The following DCAF5 variants were observed in gnomAD, a reference collection of about 807,000 sequenced individuals.
The protein encoded by DCAF5 is DDB1 and CUL4 associated factor 5, also known as DDB1- and CUL4-associated factor 5.
Under a neutral mutation model 80.7 loss-of-function variants are expected in DCAF5, and 9 were observed. The ratio of observed to expected loss-of-function variants is 0.11; its 90% CI spans 0.07 to 0.19. The LOEUF is 0.19. DCAF5 is among the 10% of genes least tolerant of loss of function. The pLI is 1.00. For missense variants in DCAF5, 842 were observed against 1,205.7 expected, an observed-to-expected ratio of 0.70 and a Z score of 4.47; for synonymous variants, 433 against 461.9, an observed-to-expected ratio of 0.94 and a Z score of 0.80.
chr14:69,094,803 T>G (rs2039646026), intron 5 of DCAF5, among the ~76,000 whole-genome samples: 2 of 152,116 alleles, frequency 1.3e-5, no homozygotes, highest in Non-Finnish European at 2.9e-5. Flanking sequence ...ATGTAGATTC[T>G]CAGGATTCCC....
intron 5 of DCAF5, among the ~76,000 whole-genome samples, chr14:69,101,796 C>T (rs1446754393): frequency 2.0e-5 from 3 of 152,064 alleles, no homozygotes; most frequent in Non-Finnish European, 2.9e-5. Flanking sequence ...ATATGGAACA[C>T]CAAATGCCAT....
chr14:69,063,433 A>G (rs777284056), intron 7 of DCAF5, among the ~76,000 whole-genome samples: 7 of 152,272 alleles, frequency 4.6e-5, no homozygotes, highest in African/African-American at 9.6e-5. Flanking sequence ...CAGGACACAC[A>G]GAGAAACATG....
At chr14:69,135,327 A>C (rs1223931650) in intron 1 of DCAF5, among the ~76,000 whole-genome samples, 1 of 152,206 alleles carries the variant, frequency 6.6e-6, no homozygotes, top group East Asian at 1.9e-4. Flanking sequence ...TAAAACACAA[A>C]TGCCACGTTC....
At chr14:69,109,001 C>A (rs1443450514) in intron 5 of DCAF5, among the ~76,000 whole-genome samples, 2 of 152,142 alleles carry the variant, frequency 1.3e-5, no homozygotes, top group Non-Finnish European at 2.9e-5. Context: ...TAAATACCCA[C>A]TTGAAGACAA....
chr14:69,138,710 TA>T (rs2041265770), intron 1 of DCAF5, among the ~76,000 whole-genome samples: 2 of 152,220 alleles, frequency 1.3e-5, no homozygotes, highest in African/African-American at 4.8e-5. Context: ...GATGTAAAAT[TA>T]AAGACTTCTA....
intron 6 of DCAF5, among the ~76,000 whole-genome samples, chr14:69,087,632 A>AG (rs2039384826): frequency 6.6e-6 from 1 of 152,206 alleles, no homozygotes; most frequent in South Asian, 2.1e-4. Flanking sequence ...TGTAGCCAAA[A>AG]GGGGGGAAGA....
chr14:69,111,998 CA>C (rs762548714), intron 5 of DCAF5, among the ~76,000 whole-genome samples: 9 of 152,166 alleles, frequency 5.9e-5, no homozygotes, highest in Non-Finnish European at 1.3e-4. Context: ...TAACTAACAT[CA>C]TAAAGGTTTT....
At chr14:69,119,665 C>T (rs923855002) in intron 2 of DCAF5, among the ~76,000 whole-genome samples, 60 of 148,404 alleles carry the variant, frequency 4.0e-4, no homozygotes, top group Admixed American at 3.9e-3. Flanking sequence ...CAGTGAGCTA[C>T]GATCGCACTC....
chr14:69,118,963 AC>A lies in DCAF5; in HGVS notation c.395+230del, dbSNP rs889600494. 11 of 500,096 alleles carry A rather than the reference AC, an allele frequency of 2.2e-5. No homozygotes were observed. The highest frequency in any genetic ancestry group is 3.5e-5 in the Non-Finnish European group (10 of 286,660). The allele number at this position is 500,096 out of a possible 1,614,324, so 31.0% of individuals were successfully genotyped here. A position where few individuals can be genotyped will look rare whatever the true frequency, so the allele number is the denominator to read the frequency against. On this transcript the variant is annotated intron_variant, in intron 3 of 8. Coordinates refer to ENST00000341516, the MANE Select transcript of DCAF5 (RefSeq NM_003861.3). This position sits in a 1 kb window ranked among gnomAD's most constrained non-coding sequence, Gnocchi z 4.0. ...TTCTAAACTCTTGTTTTAAATTTTC[AC>A]CTAAAAAGTACACTCTCATACCAAC...
chr14:69,119,052 G>T, intron 3 of DCAF5, 142 bp downstream of exon 3: 7 of 720,702 alleles, frequency 9.7e-6, no homozygotes, highest in Admixed American at 3.5e-5. Flanking sequence ...TCAAACTATT[G>T]TAGGAATTTT....
At chr14:69,111,904 C>T (rs2040381029) in intron 5 of DCAF5, among the ~76,000 whole-genome samples, 2 of 152,190 alleles carry the variant, frequency 1.3e-5, no homozygotes, top group Non-Finnish European at 2.9e-5. Context: ...GCAGAACTTT[C>T]CAACTCCAGT....
intron 5 of DCAF5, among the ~76,000 whole-genome samples, chr14:69,105,947 C>T (rs868442028): frequency 2.0e-4 from 9 of 44,586 alleles, no homozygotes; most frequent in Non-Finnish European, 6.0e-4. Flanking sequence ...ATATATATAT[C>T]TCCTATTGGT....
chr14:69,109,104 G>T (rs1386899570), intron 5 of DCAF5, among the ~76,000 whole-genome samples: 1 of 152,068 alleles, frequency 6.6e-6, no homozygotes, highest in Non-Finnish European at 1.5e-5. Flanking sequence ...CACTTTGGGA[G>T]GCTGAGGCGG....
At chr14:69,087,658 G>A (rs538775346) in intron 6 of DCAF5, among the ~76,000 whole-genome samples, 1 of 152,274 alleles carries the variant, frequency 6.6e-6, no homozygotes, top group Non-Finnish European at 1.5e-5. Context: ...TGTATAAAGG[G>A]CTTTGAGTGC....
At chr14:69,122,784 T>C (rs1052037792) in intron 1 of DCAF5, among the ~76,000 whole-genome samples, 2 of 152,184 alleles carry the variant, frequency 1.3e-5, no homozygotes, top group Non-Finnish European at 1.5e-5. Flanking sequence ...TCTAGCATAA[T>C]GGTTTTCAAA....
intron 1 of DCAF5, among the ~76,000 whole-genome samples, chr14:69,141,139 TAAAAAAAAAAAAAAAA>T (rs11396838): frequency 5.1e-5 from 3 of 59,380 alleles, no homozygotes; most frequent in Middle Eastern, 0.014. Context: ...ATCTCAAATT[TAAAAAAAAAAAAAAAA>T]AAAAAAAAAA....
intron 1 of DCAF5, among the ~76,000 whole-genome samples, chr14:69,129,568 T>C (rs967138458): frequency 1.3e-5 from 2 of 152,174 alleles, no homozygotes; most frequent in Non-Finnish European, 2.9e-5. Context: ...CTTAATCTCC[T>C]AGTCAGTTCA....
chr14:69,093,985 C>A (rs1184714162), intron 5 of DCAF5, among the ~76,000 whole-genome samples: 2 of 152,202 alleles, frequency 1.3e-5, no homozygotes, highest in African/African-American at 4.8e-5. Flanking sequence ...ATTTCCTTTA[C>A]AGGGTGCTGT....
intron 5 of DCAF5, among the ~76,000 whole-genome samples, chr14:69,105,914 C>CATATATATATATATGTATATATATATAT (rs2040124085): frequency 2.0e-5 from 1 of 50,014 alleles, no homozygotes; most frequent in Admixed American, 3.0e-4. Context: ...AATAAACTGT[C>CATATATATATATATGTATATATATATAT]ATATATATAT....
Sources: gnomAD v4.1 joint callset for allele counts (sites outside exome capture counted in the v4.1 genomes callset) on GRCh38, gnomAD v4.1.1 for gene constraint, Gnocchi (gnomAD v3.1) non-coding constraint, MANE v1.5 for transcripts, NCBI Gene and HGNC (gene_info 2026-07-23, HGNC 2026-07-21) for gene names.